ANO4: variants seen among roughly 807,000 people sequenced by gnomAD.
The protein encoded by ANO4 is anoctamin 4, also known as anoctamin-4.
A neutral mutation model predicts 141.9 loss-of-function variants in ANO4; 69 were observed. The ratio of observed to expected loss-of-function variants is 0.49; its 90% CI spans 0.40 to 0.59. ANO4 has a LOEUF of 0.59. Ranked by LOEUF, ANO4 falls within the 20% of genes least tolerant of loss-of-function variation. The pLI is 0.00. For missense variants in ANO4, 894 were observed against 1,162.2 expected, an observed-to-expected ratio of 0.77 and a Z score of 3.36; for synonymous variants, 350 against 394.3, an observed-to-expected ratio of 0.89 and a Z score of 1.33.
At chr12:100,744,432 T>C (rs987309033) in intron 3 of ANO4, among the ~76,000 whole-genome samples, 1 of 152,180 alleles carries the variant, frequency 6.6e-6, no homozygotes, top group Non-Finnish European at 1.5e-5. Flanking sequence ...GTCTTCTCAC[T>C]GTACCCTCAC....
chr12:101,062,851 T>G (rs1322886936), intron 14 of ANO4, among the ~76,000 whole-genome samples: 1 of 152,218 alleles, frequency 6.6e-6, no homozygotes, highest in African/African-American at 2.4e-5. Flanking sequence ...TGAGCTAGAC[T>G]GCTTGGCTCC....
intron 1 of ANO4, among the ~76,000 whole-genome samples, chr12:100,877,885 C>G (rs767620293): frequency 2.6e-5 from 4 of 152,052 alleles, no homozygotes; most frequent in Non-Finnish European, 5.9e-5. Context: ...CTCTGACCCT[C>G]GACTCCAGGC....
chr12:100,990,742 T>G (rs1290006907), intron 8 of ANO4, among the ~76,000 whole-genome samples: 1 of 152,088 alleles, frequency 6.6e-6, no homozygotes, highest in African/African-American at 2.4e-5. Flanking sequence ...GGAGGGAGGT[T>G]GGTAAGTGAT....
intron 1 of ANO4, among the ~76,000 whole-genome samples, chr12:100,802,204 T>C (rs1355443758): frequency 6.6e-6 from 1 of 152,230 alleles, no homozygotes; most frequent in Admixed American, 6.5e-5. Context: ...TGTAAAAATT[T>C]AGTTATTTTT....
intron 3 of ANO4, among the ~76,000 whole-genome samples, chr12:100,768,813 T>A (rs1191746514): frequency 2.0e-5 from 3 of 152,258 alleles, no homozygotes; most frequent in Non-Finnish European, 4.4e-5. Flanking sequence ...TTTCCCATAG[T>A]GAGTTGATAT....
At chr12:101,116,944 T>G in intron 25 of ANO4, 146 bp downstream of exon 25, 2 of 1,171,722 alleles carry the variant, frequency 1.7e-6, no homozygotes, top group Non-Finnish European at 2.4e-6. Flanking sequence ...TGAAGAATTT[T>G]CAAGCCTTCT....
At position 101,120,571 on chromosome 12, in the gene ANO4, A is replaced by G. The variant is rs2271642; in HGVS notation, c.2622A>G (p.Thr874=). 1,698 of 1,614,076 alleles carry G rather than the reference A, an allele frequency of 1.1e-3. 16 individuals are homozygous for G. The East Asian group carries it at 0.027, about 26-fold the overall frequency. The change falls in exon 26 of 28, where the codon ACA becomes ACG. Residue 874 remains threonine, a synonymous_variant. Transcript: ENST00000392977. ...ATTCACTGGTGCCCTATGGCTACAC[A>G]CTGCAGTTTTGGCATGTCCTAGCTG... The part of the protein sequence containing the change: ...PPHSLVPYGY[T]LQFWHVLAAR...
At chr12:100,948,681 A>G (rs2042845280) in intron 5 of ANO4, among the ~76,000 whole-genome samples, 1 of 152,208 alleles carries the variant, frequency 6.6e-6, no homozygotes, top group South Asian at 2.1e-4. Context: ...AAAATTGTGA[A>G]GGTGGCCCGC....
rs565867839 is a variant in ANO4 at position 101,059,292 on chromosome 12, A to C, written c.1312+10891A>C. The stretch of plus-strand genomic sequence containing the variant: ...TATTTCATTGAGGATTTTCGCATAG[A>C]TGTTCATCAGTGATATTGGCCTGAA... On this transcript the variant is annotated intron_variant, in intron 14 of 27. Transcript: ENST00000392977. Among the ~76,000 whole-genome samples, 45 of 152,292 alleles carry C rather than the reference A, an allele frequency of 3.0e-4. No individual in the cohort carries two copies. The South Asian group carries it at 9.1e-3, about 31-fold the overall frequency.
At chr12:100,840,129 T>C (rs1013727813) in intron 1 of ANO4, among the ~76,000 whole-genome samples, 2 of 151,482 alleles carry the variant, frequency 1.3e-5, no homozygotes, top group Non-Finnish European at 2.9e-5. Flanking sequence ...CCAAAAATAA[T>C]AATAATAATA....
At chr12:101,011,457 G>T (rs1178036977) in intron 8 of ANO4, among the ~76,000 whole-genome samples, 1 of 151,678 alleles carries the variant, frequency 6.6e-6, no homozygotes, top group African/African-American at 2.4e-5. Context: ...CAGGTTCACA[G>T]TCTTAGATCT....
intron 14 of ANO4, among the ~76,000 whole-genome samples, chr12:101,069,985 A>C (rs1043356634): frequency 6.6e-6 from 1 of 152,112 alleles, no homozygotes; most frequent in Non-Finnish European, 1.5e-5. Flanking sequence ...ATATAATAAA[A>C]TAATCATGCT....
At chr12:101,093,047 A>C (rs2049841587) in intron 17 of ANO4, among the ~76,000 whole-genome samples, 2 of 152,218 alleles carry the variant, frequency 1.3e-5, no homozygotes, top group African/African-American at 4.8e-5. Flanking sequence ...TTTTATGATC[A>C]AATGGGTATG....
chr12:100,845,724 T>C (rs10860646), intron 1 of ANO4, among the ~76,000 whole-genome samples: 7,255 of 152,198 alleles, frequency 0.048, 235 homozygotes, highest in Middle Eastern at 0.095. Context: ...TTATCTAAAC[T>C]AAGGAAAGGG....
intron 1 of ANO4, among the ~76,000 whole-genome samples, chr12:100,804,304 G>A (rs1397415695): frequency 6.6e-6 from 1 of 152,172 alleles, no homozygotes; most frequent in Non-Finnish European, 1.5e-5. Context: ...TGGCTGCATA[G>A]CATTCCATGG....
intron 9 of ANO4, among the ~76,000 whole-genome samples, chr12:101,025,676 A>G (rs969105822): frequency 6.6e-6 from 1 of 152,256 alleles, no homozygotes; most frequent in Non-Finnish European, 1.5e-5. Context: ...TCCTGCAAAC[A>G]TAAAGAAAAT....
chr12:101,044,389 CTTTA>C (rs1042756580), intron 13 of ANO4, among the ~76,000 whole-genome samples: 3 of 152,202 alleles, frequency 2.0e-5, no homozygotes, highest in Non-Finnish European at 2.9e-5. Flanking sequence ...ATATGCCTTA[CTTTA>C]TTTCTTAGAC....
intron 1 of ANO4, among the ~76,000 whole-genome samples, chr12:100,718,202 A>G (rs1253284177): frequency 6.6e-6 from 1 of 152,226 alleles, no homozygotes; most frequent in Non-Finnish European, 1.5e-5. Context: ...GGAAAACAAA[A>G]TCACTGTGTG....
intron 7 of ANO4, among the ~76,000 whole-genome samples, chr12:100,986,086 G>A (rs1373884775): frequency 2.0e-5 from 3 of 148,684 alleles, no homozygotes; most frequent in Non-Finnish European, 4.4e-5. Flanking sequence ...TGGAGGAATA[G>A]TGAATTTGCT....
Sources: gnomAD v4.1 joint callset for allele counts (sites outside exome capture counted in the v4.1 genomes callset) on GRCh38, gnomAD v4.1.1 for gene constraint, MANE v1.5 for transcripts, NCBI Gene and HGNC (gene_info 2026-07-23, HGNC 2026-07-21) for gene names.